DNMT3B: variants seen among roughly 807,000 people sequenced by gnomAD.
DNMT3B encodes the protein DNA methyltransferase 3 beta, also known as DNA (cytosine-5)-methyltransferase 3B.
Under a neutral mutation model 120.2 loss-of-function variants are expected in DNMT3B, and 37 were observed. The observed-to-expected ratio is 0.31, with a 90% CI of 0.24 to 0.40. The LOEUF (loss-of-function observed/expected upper bound fraction) is 0.40. Among genes scored for constraint, DNMT3B ranks in the 10% least tolerant of loss-of-function variants. The pLI is 1.00. For synonymous variants in DNMT3B, 412 were observed against 442.8 expected (o/e 0.93, Z 0.87); for missense variants, 878 against 1,137.3 (o/e 0.77, Z 3.28).
intron 1 of DNMT3B, among the ~76,000 whole-genome samples, chr20:32,771,771 C>T (rs1012862751): frequency 3.3e-5 from 5 of 151,784 alleles, no homozygotes; most frequent in East Asian, 1.9e-4. Flanking sequence ...GCTTTACTTA[C>T]GGGGAAAAAT....
chr20:32,779,524 C>G (rs992134636), intron 1 of DNMT3B, among the ~76,000 whole-genome samples: 1 of 152,238 alleles, frequency 6.6e-6, no homozygotes, highest in African/African-American at 2.4e-5. Flanking sequence ...TGGCCCTGGC[C>G]CTGTGTGTTA....
intron 1 of DNMT3B, among the ~76,000 whole-genome samples, chr20:32,764,527 G>A (rs531508330): frequency 1.3e-5 from 2 of 152,178 alleles, no homozygotes; most frequent in African/African-American, 4.8e-5. Context: ...AGCTCTGAAA[G>A]CTTTTCTCAA....
chr20:32,794,523 CA>C (rs1164695933), intron 10 of DNMT3B, among the ~76,000 whole-genome samples: 1 of 151,872 alleles, frequency 6.6e-6, no homozygotes, highest in Non-Finnish European at 1.5e-5. Flanking sequence ...TACTAAAATA[CA>C]AAAATTAGCC....
At chr20:32,806,068 C>T (rs1981944219) in intron 21 of DNMT3B, 141 bp from the exon 22 acceptor site, 2 of 814,716 alleles carry the variant, frequency 2.5e-6, no homozygotes, top group Admixed American at 1.8e-5. Flanking sequence ...TCCATCTTTC[C>T]CAGGTACTTT....
intron 1 of DNMT3B, among the ~76,000 whole-genome samples, chr20:32,772,945 G>A (rs1231344385): frequency 1.4e-5 from 2 of 142,204 alleles, no homozygotes; most frequent in East Asian, 2.1e-4. Context: ...GCACGATCCC[G>A]AGTAGCTGGG....
chr20:32,807,234 G>A (rs950080680), intron 22 of DNMT3B, among the ~76,000 whole-genome samples: 3 of 152,156 alleles, frequency 2.0e-5, no homozygotes, highest in Non-Finnish European at 4.4e-5. Flanking sequence ...CTCAGCCTCT[G>A]TAGCCTCTTT....
chr20:32,781,326 A>G (rs1403443063), intron 2 of DNMT3B, 27 bp from the exon 3 acceptor site: 1 of 1,577,138 alleles, frequency 6.3e-7, no homozygotes, highest in Non-Finnish European at 8.6e-7. Context: ...CCCCCACAAA[A>G]CAGACTCCTG....
intron 4 of DNMT3B, among the ~76,000 whole-genome samples, 164 bp downstream of exon 4, chr20:32,785,023 T>C (rs1481062760): frequency 1.4e-5 from 2 of 142,308 alleles, no homozygotes; most frequent in Non-Finnish European, 3.0e-5. Flanking sequence ...GGACTATTGT[T>C]GGAGGGTTTT....
intron 10 of DNMT3B, 74 bp downstream of exon 10, chr20:32,793,669 G>C: frequency 3.9e-6 from 6 of 1,545,876 alleles, no homozygotes; most frequent in Non-Finnish European, 5.4e-6. Flanking sequence ...ATATAAAATG[G>C]TCACTGGAAA....
intron 1 of DNMT3B, among the ~76,000 whole-genome samples, 180 bp downstream of exon 1, chr20:32,762,879 G>A (rs986076466): frequency 2.0e-5 from 3 of 152,042 alleles, no homozygotes; most frequent in Non-Finnish European, 2.9e-5. Flanking sequence ...AACGTCCACG[G>A]ACCCTGCTTG....
In DNMT3B at chr20:32,787,261, G is replaced by A; in HGVS notation, c.464G>A (p.Gly155Glu). ...SLRRRATASA[G>E]TPWPSPPSSY... is the part of the protein sequence containing the mutation. ...AGACGGCGGGCAACAGCATCGGCAG[G>A]AACGCCATGGCCGTCCCCTCCCAGC... The change falls in exon 6 of 23, where the codon GGA (glycine) becomes GAA (glutamate). Residue 155 changes from glycine to glutamate, a missense_variant. By Grantham distance (98) the Gly-to-Glu change is moderately conservative (BLOSUM62 -2). Around this residue, in one of 4 missense-constraint regions of DNMT3B, gnomAD observed 287 missense variants for 306.2 expected, o/e 0.94. Transcript: ENST00000328111. 1 of 1,614,222 alleles carries A rather than the reference G, an allele frequency of 6.2e-7. No individual in the cohort carries two copies.
intron 1 of DNMT3B, chr20:32,779,783 A>C: frequency 9.6e-6 from 4 of 415,602 alleles, no homozygotes; most frequent in East Asian, 9.0e-5. Flanking sequence ...TTGTGCTGCC[A>C]TGGAGAGGAG....
intron 3 of DNMT3B, among the ~76,000 whole-genome samples, chr20:32,782,732 C>A (rs1322317792): frequency 8.8e-6 from 1 of 114,020 alleles, no homozygotes; most frequent in Admixed American, 9.6e-5. Context: ...TAGATATAGA[C>A]AAAAACAGAG....
chr20:32,782,838 G>A (rs1348189178), intron 3 of DNMT3B, among the ~76,000 whole-genome samples: 2 of 152,106 alleles, frequency 1.3e-5, no homozygotes, highest in South Asian at 2.1e-4. Context: ...ATAGCAAACT[G>A]TCTTTTTATT....
rs1322837848 is a variant in DNMT3B at position 32,800,826 on chromosome 20, CTCTT to C, written c.1906-6_1906-3del. Reference sequence around the variant, plus strand: ...ACACCCTCATCCTGACTCTGTCTCTCTCTTTCAGATTGAAGAATGGGGCCCATTT... The same window carrying C: ...ACACCCTCATCCTGACTCTGTCTCTCTCAGATTGAAGAATGGGGCCCATTT... On this transcript the variant is annotated splice_region_variant and splice_polypyrimidine_tract_variant and intron_variant, in intron 17 of 22. Coordinates refer to ENST00000328111, the MANE Select transcript of DNMT3B (RefSeq NM_006892.4). 2 of 1,613,922 alleles carry C rather than the reference CTCTT, an allele frequency of 1.2e-6. No individual in the cohort carries two copies. Among genetic ancestry groups the C allele is most frequent in the Admixed American group, 1.7e-5 (1 of 60,022 alleles).
At chr20:32,797,914 C>G (rs939135600) in intron 14 of DNMT3B, among the ~76,000 whole-genome samples, 10 of 152,200 alleles carry the variant, frequency 6.6e-5, no homozygotes, top group African/African-American at 2.4e-4. Context: ...CCTGCCCCAG[C>G]CTCTCAAATC....
At chr20:32,781,288 G>A in intron 2 of DNMT3B, 65 bp from the exon 3 acceptor site, 1 of 1,582,578 alleles carries the variant, frequency 6.3e-7, no homozygotes, top group Non-Finnish European at 8.7e-7. Context: ...GCCCCTATTA[G>A]CAAGGCCGTT....
intron 1 of DNMT3B, among the ~76,000 whole-genome samples, chr20:32,765,964 C>T (rs766493760): frequency 3.3e-5 from 5 of 151,548 alleles, no homozygotes; most frequent in African/African-American, 7.3e-5. Flanking sequence ...TCACCGTGTT[C>T]GCCAGGATGG....
Position 32,795,707 on chromosome 20 carries a change from C to G in DNMT3B, c.1297+13C>G, listed in dbSNP as rs1451648157. On this transcript the variant is annotated intron_variant, in intron 12 of 22. Coordinates refer to ENST00000328111, the MANE Select transcript of DNMT3B (RefSeq NM_006892.4). ...AGCAGCCTGGAAGGTAACGTTCTCTCCCTCCCAGTCATCCCCCTCACACCC... is the reference window on the plus strand; with the variant it reads ...AGCAGCCTGGAAGGTAACGTTCTCTGCCTCCCAGTCATCCCCCTCACACCC... The G allele has an allele frequency of 1.9e-6, 3 of 1,613,890 alleles. No individual in the cohort carries two copies. The East Asian group carries it at 6.7e-5, about 36-fold the overall frequency.
Sources: gnomAD v4.1 joint callset for allele counts (sites outside exome capture counted in the v4.1 genomes callset) on GRCh38, gnomAD v4.1.1 for gene constraint, gnomAD v4.1.1 regional missense constraint, MANE v1.5 for transcripts, NCBI Gene and HGNC (gene_info 2026-07-23, HGNC 2026-07-21) for gene names.